RBL1: variants seen among roughly 807,000 people sequenced by gnomAD.
RBL1 encodes RB transcriptional corepressor like 1.
RBL1 carries 82 observed loss-of-function variants against 123.0 expected under a neutral mutation model. The ratio of observed to expected loss-of-function variants is 0.67; its 90% CI spans 0.56 to 0.80. RBL1 has a LOEUF of 0.80. RBL1 is among the 30% of genes least tolerant of loss of function. The pLI is 0.00. For synonymous variants in RBL1, 405 were observed against 441.3 expected (o/e 0.92, Z 1.03); for missense variants, 1,171 against 1,299.6 (o/e 0.90, Z 1.52).
chr20:37,056,126 C>G lies in RBL1; in HGVS notation c.1363+20G>C, dbSNP rs775560102. On this transcript the variant is annotated intron_variant, in intron 10 of 21. Coordinates refer to ENST00000373664, the MANE Select transcript of RBL1 (RefSeq NM_002895.5). ...TTACTTATTTTCAATGCTATGCCAA[C>G]TGTAGTTTTCTTTTCTTACCTATGT... is the stretch of plus-strand genomic sequence containing the variant. The G allele has an allele frequency of 1.0e-5, 16 of 1,596,666 alleles. No individual in the cohort carries two copies. The highest frequency in any genetic ancestry group is 1.4e-5 in the Non-Finnish European group (16 of 1,175,708).
At chr20:37,062,366 G>A in intron 7 of RBL1, 96 bp from the exon 8 acceptor site, 2 of 1,465,300 alleles carry the variant, frequency 1.4e-6, no homozygotes, top group South Asian at 2.9e-5. Context: ...TAGAAAACTT[G>A]ACAACTTTCT....
intron 21 of RBL1, among the ~76,000 whole-genome samples, chr20:37,000,146 G>A (rs1279521266): frequency 6.9e-6 from 1 of 144,974 alleles, no homozygotes; most frequent in Non-Finnish European, 1.5e-5. Context: ...CGGCCGCCCC[G>A]TCTGAGAAGT....
rs1370478990 is a variant in RBL1 at position 37,018,287 on chromosome 20, A to G, written c.2714T>C (p.Ile905Thr). The change falls in exon 19 of 22, where the codon ATA (isoleucine) becomes ACA (threonine). Residue 905 changes from isoleucine to threonine, a missense_variant. Coordinates refer to ENST00000373664, the MANE Select transcript of RBL1 (RefSeq NM_002895.5). ...NKNINDDFEM[I>T]DCDLEDATKT... ...TAAATTGGATAACTTACCACAATCT[A>G]TCATTTCAAAGTCATCATTTATATT... is the stretch of plus-strand genomic sequence containing the variant. 6.2e-7 allele frequency: 1 copy of G among 1,608,846 alleles called. No individual in the cohort carries two copies. The highest frequency in any genetic ancestry group is 1.7e-5 in the Admixed American group (1 of 58,732).
chr20:37,068,223 A>C (rs2065215561), intron 2 of RBL1, 37 bp from the exon 3 acceptor site: 1 of 1,510,276 alleles, frequency 6.6e-7, no homozygotes, highest in African/African-American at 1.4e-5. Flanking sequence ...GGCACCTTTA[A>C]AATTCATTTA....
chr20:37,075,412 A>G lies in RBL1; in HGVS notation c.291-7226T>C, dbSNP rs1293818126. Among the ~76,000 whole-genome samples, 3 of 152,154 alleles carry G rather than the reference A, an allele frequency of 2.0e-5. No individual in the cohort carries two copies. The East Asian group carries it at 5.8e-4, about 29-fold the overall frequency. On this transcript the variant is annotated intron_variant, in intron 2 of 21. Coordinates refer to ENST00000373664, the MANE Select transcript of RBL1 (RefSeq NM_002895.5). ...ACCTCCCCACAACACTACTCCAAAGAGGTTACAGTAAATACATGTAAATAT... is the reference window on the plus strand; with the variant it reads ...ACCTCCCCACAACACTACTCCAAAGGGGTTACAGTAAATACATGTAAATAT...
At chr20:37,023,325 G>A (rs1208688816) in intron 16 of RBL1, among the ~76,000 whole-genome samples, 1 of 152,082 alleles carries the variant, frequency 6.6e-6, no homozygotes, top group Non-Finnish European at 1.5e-5. Context: ...GCTTCATCAT[G>A]TTGGCCAGGC....
intron 11 of RBL1, among the ~76,000 whole-genome samples, chr20:37,053,247 C>T (rs2064947981): frequency 6.6e-6 from 1 of 152,220 alleles, no homozygotes; most frequent in Admixed American, 6.5e-5. Flanking sequence ...TTGAATAACA[C>T]CATTTCGCTC....
intron 21 of RBL1, among the ~76,000 whole-genome samples, chr20:37,002,957 C>G (rs1266770547): frequency 6.6e-6 from 1 of 151,922 alleles, no homozygotes; most frequent in Non-Finnish European, 1.5e-5. Flanking sequence ...CTCCTGAGCT[C>G]AGGCAATCTG....
intron 2 of RBL1, among the ~76,000 whole-genome samples, chr20:37,081,099 T>C (rs2065441504): frequency 6.6e-6 from 1 of 152,146 alleles, no homozygotes. Context: ...ACAATAATGA[T>C]TGCTCAAGGA....
chr20:37,017,620 T>TGTGTGTGTGTGTGTGTG (rs1600471145), intron 19 of RBL1, among the ~76,000 whole-genome samples: 122 of 139,806 alleles, frequency 8.7e-4, no homozygotes, highest in African/African-American at 3.2e-3. Context: ...GGACATTTTC[T>TGTGTGTGTGTGTGTGTG]TGTGTGTGTG....
chr20:37,051,383 G>C (rs189181186), intron 11 of RBL1, among the ~76,000 whole-genome samples: 96 of 152,244 alleles, frequency 6.3e-4, no homozygotes, highest in Non-Finnish European at 1.1e-3. Context: ...GTTTCACCAT[G>C]TTGGTCAGGC....
At chr20:37,012,693 G>A (rs1032354583) in intron 19 of RBL1, among the ~76,000 whole-genome samples, 5 of 151,500 alleles carry the variant, frequency 3.3e-5, no homozygotes, top group African/African-American at 9.7e-5. Context: ...GGAGGGAGGT[G>A]GGGGTCAACC....
At chr20:37,032,011 G>C (rs1485531622) in intron 16 of RBL1, among the ~76,000 whole-genome samples, 3 of 150,390 alleles carry the variant, frequency 2.0e-5, no homozygotes, top group Non-Finnish European at 4.4e-5. Flanking sequence ...GCCTCATAAA[G>C]TGCTGGGTTT....
intron 1 of RBL1, among the ~76,000 whole-genome samples, chr20:37,092,307 A>C (rs777417201): frequency 1.5e-4 from 23 of 152,142 alleles, no homozygotes; most frequent in Non-Finnish European, 3.4e-4. Context: ...TATTGTTTCG[A>C]TTTTTTTAAA....
chr20:37,055,402 G>A, intron 11 of RBL1, 151 bp downstream of exon 11: 1 of 1,077,578 alleles, frequency 9.3e-7, no homozygotes, highest in Non-Finnish European at 1.3e-6. Context: ...AGATTGATTA[G>A]CCTTGCATGT....
intron 9 of RBL1, among the ~76,000 whole-genome samples, chr20:37,057,546 ATTGAG>A (rs1246468193): frequency 6.6e-6 from 1 of 152,164 alleles, no homozygotes; most frequent in African/African-American, 2.4e-5. Context: ...ACGTTTTTAA[ATTGAG>A]TTATTTGTTG....
In RBL1 at chr20:37,044,182, A is replaced by G. The variant is rs1355266326; in HGVS notation, c.1674T>C (p.Ile558=). 1 of 1,613,774 alleles carries G rather than the reference A, an allele frequency of 6.2e-7. No homozygotes were observed. The highest frequency in any genetic ancestry group is 8.5e-7 in the Non-Finnish European group (1 of 1,179,976). ...CTAAACTCTCCAAAATCTGTTCTTC[A>G]ATGCTGTTTAGGTGTTTCACCATGT... The part of the protein sequence containing the change: ...SRDMVKHLNS[I]EEQILESLAW... The change falls in exon 13 of 22, where the codon ATT becomes ATC. Residue 558 remains isoleucine (I), a synonymous_variant. Transcript: ENST00000373664.
intron 16 of RBL1, among the ~76,000 whole-genome samples, chr20:37,032,064 C>T (rs183298326): frequency 1.4e-4 from 21 of 151,902 alleles, no homozygotes; most frequent in Admixed American, 1.2e-3. Flanking sequence ...GACACCTGTA[C>T]ACAAATGTTC....
At chr20:37,023,103 A>G (rs2064368896) in intron 16 of RBL1, among the ~76,000 whole-genome samples, 1 of 152,116 alleles carries the variant, frequency 6.6e-6, no homozygotes, top group African/African-American at 2.4e-5. Context: ...GCATCATGAC[A>G]ATTATGAACA....
Sources: gnomAD v4.1 joint callset for allele counts (sites outside exome capture counted in the v4.1 genomes callset) on GRCh38, gnomAD v4.1.1 for gene constraint, MANE v1.5 for transcripts, NCBI Gene and HGNC (gene_info 2026-07-23, HGNC 2026-07-21) for gene names.